The following MTHFS variants were observed in gnomAD, a reference collection of about 807,000 sequenced individuals.
MTHFS encodes methenyltetrahydrofolate synthetase, also known as 5-formyltetrahydrofolate cyclo-ligase.
A neutral mutation model predicts 12.7 loss-of-function variants in MTHFS; 7 were observed. The observed-to-expected ratio is 0.55, with a 90% CI of 0.31 to 1.03. The LOEUF (loss-of-function observed/expected upper bound fraction) is 1.03. Ranked by LOEUF, MTHFS falls within the 50% of genes least tolerant of loss-of-function variation. MTHFS has a pLI of 0.05. For missense variants in MTHFS, 252 were observed against 258.1 expected (o/e 0.98, Z 0.16); for synonymous variants, 100 against 97.1 (o/e 1.03, Z -0.18).
At position 79,845,239 on chromosome 15, in the gene MTHFS, C is replaced by G. The variant is rs77252492; in HGVS notation, c.583G>C (p.Val195Leu). The stretch of plus-strand genomic sequence containing the variant: ...GCTGTTGACGAGTCTTCGTAAAGGA[C>G]TTCATCTACCTTCATGTCGTTTTCA... ...VNENDMKVDE[V>L]LYEDSSTA The change falls in exon 3 of 3, where the codon GTC becomes CTC. Residue 195 changes from valine to leucine, a missense_variant. By Grantham distance (32) the Val-to-Leu change is conservative. Coordinates refer to ENST00000258874, the MANE Select transcript of MTHFS (RefSeq NM_006441.4). 6.2e-7 allele frequency: 1 copy of G among 1,614,198 alleles called. No homozygotes were observed. Among genetic ancestry groups the G allele is most frequent in the Non-Finnish European group, 8.5e-7 (1 of 1,180,034 alleles).
In MTHFS at chr15:79,845,129, A is replaced by T; in HGVS notation, c.*81T>A. ...TTCACATTAATGAACAATTTCAACT[A>T]ATTTTTGACAAGGGAAAAATACACA... On this transcript the variant is annotated 3_prime_UTR_variant, in exon 3 of 3. Transcript: ENST00000258874. The T allele has an allele frequency of 6.5e-7, 1 of 1,537,888 alleles. No individual in the cohort carries two copies. The highest frequency in any genetic ancestry group is 1.2e-5 in the South Asian group (1 of 81,074).
intron 2 of MTHFS, among the ~76,000 whole-genome samples, chr15:79,870,654 T>C (rs1350480537): frequency 6.6e-6 from 1 of 152,126 alleles, no homozygotes; most frequent in Non-Finnish European, 1.5e-5. Context: ...ATAAAGAAGA[T>C]ATGCTATAAC....
At chr15:79,879,860 T>A (rs761632094) in intron 2 of MTHFS, among the ~76,000 whole-genome samples, 3 of 152,218 alleles carry the variant, frequency 2.0e-5, no homozygotes, top group Non-Finnish European at 4.4e-5. Flanking sequence ...CTTTCTTGTT[T>A]TTTAATTAAT....
chr15:79,857,271 T>C (rs920333250), intron 2 of MTHFS, among the ~76,000 whole-genome samples: 1 of 152,200 alleles, frequency 6.6e-6, no homozygotes, highest in African/African-American at 2.4e-5. Context: ...AGTGCTGCGA[T>C]TACAGGCATG....
chr15:79,876,637 A>G (rs2034200802), intron 2 of MTHFS: 1 of 151,572 alleles, frequency 6.6e-6, no homozygotes, highest in Non-Finnish European at 1.5e-5. Context: ...AAAAAAGTAA[A>G]GGAAACAAAT....
At chr15:79,869,424 T>G (rs777180679) in intron 2 of MTHFS, among the ~76,000 whole-genome samples, 18 of 152,164 alleles carry the variant, frequency 1.2e-4, no homozygotes, top group Non-Finnish European at 2.2e-4. Context: ...ATCTGAGATT[T>G]GTAACAATTG....
intron 2 of MTHFS, among the ~76,000 whole-genome samples, chr15:79,869,891 A>C (rs1157612345): frequency 6.6e-6 from 1 of 152,194 alleles, no homozygotes; most frequent in African/African-American, 2.4e-5. Context: ...TGGGGATAAA[A>C]AGATGAGAGA....
intron 1 of MTHFS, among the ~76,000 whole-genome samples, chr15:79,894,296 G>A (rs2034527324): frequency 6.6e-6 from 1 of 152,020 alleles, no homozygotes; most frequent in African/African-American, 2.4e-5. Flanking sequence ...CAGGAGAATC[G>A]CTTGAACGTG....
chr15:79,860,156 G>A lies in MTHFS; in HGVS notation c.380-14714C>T, dbSNP rs574446412. On this transcript the variant is annotated intron_variant, in intron 2 of 2. Coordinates refer to ENST00000258874, the MANE Select transcript of MTHFS (RefSeq NM_006441.4). ...TGTAATCCTAGCACTTTGGGAGGCCGAGGTGGGCAAATCACGAGGTCAGGA... is the reference window on the plus strand; with the variant it reads ...TGTAATCCTAGCACTTTGGGAGGCCAAGGTGGGCAAATCACGAGGTCAGGA... 2.3e-3 allele frequency among the ~76,000 whole-genome samples: 346 copies of A among 152,254 alleles called. 3 individuals are homozygous for A. In the Middle Eastern group the frequency reaches 0.024, roughly 10 times the overall value.
At chr15:79,853,482 A>G (rs1036121309) in intron 2 of MTHFS, among the ~76,000 whole-genome samples, 5 of 152,202 alleles carry the variant, frequency 3.3e-5, no homozygotes, top group Non-Finnish European at 5.9e-5. Flanking sequence ...ATGCTATTTT[A>G]GAGGGACTAA....
Position 79,850,921 on chromosome 15 carries a change from C to T in MTHFS, c.380-5479G>A, listed in dbSNP as rs796734825. Among the ~76,000 whole-genome samples, 7 of 152,158 alleles carry T rather than the reference C, an allele frequency of 4.6e-5. No individual in the cohort carries two copies. In the South Asian group the frequency reaches 1.4e-3, roughly 32 times the overall value. ...AAAACATTCTTATTAATTCTGGCAG[C>T]GAGGTAGCCTGGGCCCCTGACACCT... On this transcript the variant is annotated intron_variant, in intron 2 of 2. Transcript: ENST00000258874.
intron 2 of MTHFS, among the ~76,000 whole-genome samples, chr15:79,872,224 GC>G (rs1566993228): frequency 1.3e-5 from 2 of 151,540 alleles, no homozygotes; most frequent in Non-Finnish European, 2.9e-5. Context: ...AACTAATGAA[GC>G]TTTTTTATGC....
Position 79,844,143 on chromosome 15 carries a change from G to C in MTHFS, c.*1067C>G, listed in dbSNP as rs1009793378. On this transcript the variant is annotated 3_prime_UTR_variant, in exon 3 of 3. Coordinates refer to ENST00000258874, the MANE Select transcript of MTHFS (RefSeq NM_006441.4). ...TTTGCTACCCAAGAGGCTCTGAACA[G>C]CCACCGGAAGACCTTAGTCAGGGGT... The C allele has an allele frequency of 2.0e-5, 3 of 152,172 alleles. No individual in the cohort carries two copies. Among genetic ancestry groups the C allele is most frequent in the African/African-American group, 7.2e-5 (3 of 41,442 alleles). The allele number at this position is 152,172 out of a possible 1,614,324, so 9.4% of individuals were successfully genotyped here.
Position 79,886,027 on chromosome 15 carries a change from G to A in MTHFS, c.379+3066C>T, listed in dbSNP as rs188103145. The stretch of plus-strand genomic sequence containing the variant: ...CAGCCCTTACCTTGAGGATAAACTT[G>A]GGAAAGAATCCGACCCTCGATTTCA... On this transcript the variant is annotated intron_variant, in intron 2 of 2. Coordinates refer to ENST00000258874, the MANE Select transcript of MTHFS (RefSeq NM_006441.4). Among the ~76,000 whole-genome samples the A allele has an allele frequency of 2.3e-3, 348 of 152,268 alleles. 3 individuals carry two copies. Among genetic ancestry groups the A allele is most frequent in the African/African-American group, 8.1e-3 (336 of 41,558 alleles).
Position 79,896,912 on chromosome 15 carries a change from G to A in MTHFS, c.77C>T (p.Ala26Val). The change falls in exon 1 of 3, where the codon GCC becomes GTC. Residue 26 changes from alanine to valine, a missense_variant. By Grantham distance (64) the Ala-to-Val change is moderately conservative. Transcript: ENST00000258874. ...GCGGGACTGGCGTAGCCGCTCCTCGGCACTCATCGCCCGCAGACGCTGCTT... is the reference window on the plus strand; with the variant it reads ...GCGGGACTGGCGTAGCCGCTCCTCGACACTCATCGCCCGCAGACGCTGCTT... Reference protein sequence around the residue: ...ELKQRLRAMSAEERLRQSRVL... With the variant: ...ELKQRLRAMSVEERLRQSRVL... 6.5e-7 allele frequency: 1 copy of A among 1,542,412 alleles called. No homozygotes were observed. Among genetic ancestry groups the A allele is most frequent in the Non-Finnish European group, 8.7e-7 (1 of 1,146,232 alleles).
At chr15:79,866,881 G>A (rs553918537) in intron 2 of MTHFS, among the ~76,000 whole-genome samples, 13 of 152,206 alleles carry the variant, frequency 8.5e-5, no homozygotes, top group East Asian at 7.7e-4. Context: ...GCTTGAATCC[G>A]GGAGGCAGAG....
chr15:79,887,953 T>C (rs1353729014), intron 2 of MTHFS, among the ~76,000 whole-genome samples: 1 of 152,126 alleles, frequency 6.6e-6, no homozygotes, highest in Non-Finnish European at 1.5e-5. Context: ...TCTGACTCCA[T>C]CATACTGACT....
Position 79,889,110 on chromosome 15 carries a change from TC to T in MTHFS, c.361del (p.Glu121ArgfsTer37). On this transcript the variant is annotated frameshift_variant, in exon 2 of 3. Coordinates refer to ENST00000258874, the MANE Select transcript of MTHFS (RefSeq NM_006441.4). LOFTEE classifies it low-confidence loss of function (END_TRUNC). ...ATACTCACCTGTGGACAAGGCCTCC[TC>T]CCGAACATCACCCTCACCAGGCTGA... ...IPQPGEGDVREEALSTGGLDL... is the reference protein window; with the variant it reads ...IPQPGEGDVRXEALSTGGLDL... The T allele has an allele frequency of 6.2e-7, 1 of 1,614,160 alleles. No homozygotes were observed. Among genetic ancestry groups the T allele is most frequent in the Non-Finnish European group, 8.5e-7 (1 of 1,180,022 alleles).
intron 2 of MTHFS, among the ~76,000 whole-genome samples, chr15:79,846,924 T>A (rs1332068829): frequency 6.6e-6 from 1 of 152,206 alleles, no homozygotes; most frequent in Non-Finnish European, 1.5e-5. Flanking sequence ...AGGTGCTCTG[T>A]AAGGTCCTCT....
Sources: allele counts gnomAD v4.1 joint callset (sites outside exome capture counted in the v4.1 genomes callset), GRCh38; gene constraint gnomAD v4.1.1; transcripts MANE v1.5; gene names NCBI Gene and HGNC (gene_info 2026-07-23, HGNC 2026-07-21).